The following DCUN1D2 variants were observed in gnomAD, a reference collection of about 807,000 sequenced individuals.
The protein encoded by DCUN1D2 is DCN1-like protein 2.
DCUN1D2 carries 29 observed loss-of-function variants against 30.9 expected under a neutral mutation model. The ratio of observed to expected loss-of-function variants is 0.94; its 90% CI spans 0.70 to 1.28. The LOEUF is 1.28. Ranked by LOEUF, DCUN1D2 falls within the 50% of genes most tolerant of loss-of-function variation. DCUN1D2 has a pLI of 0.00. For synonymous variants in DCUN1D2, 121 were observed against 115.3 expected, an observed-to-expected ratio of 1.05 and a Z score of -0.32; for missense variants, 325 against 316.9, an observed-to-expected ratio of 1.03 and a Z score of -0.19.
At chr13:113,466,437 G>C (rs981220788) in intron 4 of DCUN1D2, among the ~76,000 whole-genome samples, 1 of 152,208 alleles carries the variant, frequency 6.6e-6, no homozygotes, top group Non-Finnish European at 1.5e-5. Flanking sequence ...TTTACAAACA[G>C]AGTCATTCTG....
At chr13:113,481,142 T>TA (rs1181444465) in intron 2 of DCUN1D2, among the ~76,000 whole-genome samples, 1 of 152,238 alleles carries the variant, frequency 6.6e-6, no homozygotes, top group African/African-American at 2.4e-5. Flanking sequence ...CTTGAGTTTT[T>TA]ATCACAACTC....
At chr13:113,484,259 T>G in intron 1 of DCUN1D2, 2 of 1,141,422 alleles carry the variant, frequency 1.8e-6, no homozygotes, top group Non-Finnish European at 2.4e-6. Context: ...TCAAAAATTA[T>G]GAGAATTAAC....
chr13:113,486,308 G>A (rs75928629), intron 1 of DCUN1D2, among the ~76,000 whole-genome samples: 233 of 152,240 alleles, frequency 1.5e-3, no homozygotes, highest in African/African-American at 5.5e-3. Context: ...CTGAGCAGGC[G>A]TGGACACAAA....
At chr13:113,468,404 T>C (rs2044443738) in intron 4 of DCUN1D2, among the ~76,000 whole-genome samples, 1 of 152,038 alleles carries the variant, frequency 6.6e-6, no homozygotes, top group Non-Finnish European at 1.5e-5. Context: ...CAGTGTTTGA[T>C]GGGGACAGCG....
chr13:113,471,408 A>C (rs1243754128), intron 4 of DCUN1D2, among the ~76,000 whole-genome samples: 1 of 152,276 alleles, frequency 6.6e-6, no homozygotes, highest in Non-Finnish European at 1.5e-5. Context: ...ACCTAACTCC[A>C]ATTATATGGG....
At position 113,484,302 on chromosome 13, in the gene DCUN1D2, A is replaced by G. The variant is rs111243168; in HGVS notation, c.4-246T>C. On this transcript the variant is annotated intron_variant, in intron 1 of 6. Transcript: ENST00000478244. ...ACAAAATACATTCTGATCTCTATCC[A>G]GTTCACTCTGCATGAAGTGTGACTA... The G allele has an allele frequency of 1.6e-3, 1,196 of 737,830 alleles. 9 individuals carry two copies. In the African/African-American group the frequency reaches 0.019, roughly 12 times the overall value. The allele number at this position is 737,830 out of a possible 1,614,324, so 45.7% of individuals were successfully genotyped here.
chr13:113,473,988 G>A, intron 4 of DCUN1D2, 136 bp downstream of exon 4: 1 of 1,067,072 alleles, frequency 9.4e-7, no homozygotes, highest in East Asian at 2.8e-5. Context: ...CTAGGTGACA[G>A]AGCAAGACCG....
intron 3 of DCUN1D2, among the ~76,000 whole-genome samples, chr13:113,479,552 G>C (rs2139728274): frequency 6.6e-6 from 1 of 152,234 alleles, no homozygotes; most frequent in South Asian, 2.1e-4. Context: ...CCTGAAGTCA[G>C]GAGTTCAAAA....
At chr13:113,480,905 AT>A (rs2139732199) in intron 2 of DCUN1D2, among the ~76,000 whole-genome samples, 162 bp from the exon 3 acceptor site, 1 of 152,346 alleles carries the variant, frequency 6.6e-6, no homozygotes, top group South Asian at 2.1e-4. Context: ...CATGAAAGAA[AT>A]AGTGAGCAAC....
At chr13:113,479,771 A>G (rs895919558) in intron 3 of DCUN1D2, among the ~76,000 whole-genome samples, 1 of 152,226 alleles carries the variant, frequency 6.6e-6, no homozygotes, top group African/African-American at 2.4e-5. Context: ...CGAAAATAAT[A>G]AAAAGTTGAG....
chr13:113,464,390 T>C (rs925816757), intron 4 of DCUN1D2, among the ~76,000 whole-genome samples: 18 of 152,336 alleles, frequency 1.2e-4, no homozygotes, highest in African/African-American at 4.3e-4. Context: ...AGGCTGAACA[T>C]GGTAGGTCCT....
chr13:113,460,300 A>T (rs962344247), intron 5 of DCUN1D2, among the ~76,000 whole-genome samples: 3 of 152,214 alleles, frequency 2.0e-5, no homozygotes, highest in African/African-American at 7.2e-5. Flanking sequence ...TAAGTGGCAA[A>T]GTCTGTGTCA....
chr13:113,480,819 G>T, intron 2 of DCUN1D2, 76 bp from the exon 3 acceptor site: 1 of 1,495,618 alleles, frequency 6.7e-7, no homozygotes, highest in Non-Finnish European at 9.3e-7. Context: ...TTGAATCCTA[G>T]CATTCGATTA....
At chr13:113,463,520 T>C (rs912917914) in intron 4 of DCUN1D2, among the ~76,000 whole-genome samples, 2 of 149,436 alleles carry the variant, frequency 1.3e-5, no homozygotes, top group Admixed American at 1.3e-4. Flanking sequence ...AGCAAGACCC[T>C]CACCTCTTTA....
intron 4 of DCUN1D2, chr13:113,468,952 C>G (rs2044456158): frequency 6.6e-6 from 1 of 152,314 alleles, no homozygotes; most frequent in South Asian, 2.1e-4. Flanking sequence ...ACGCCGGGAC[C>G]AGGTAAGGAC....
intron 2 of DCUN1D2, among the ~76,000 whole-genome samples, chr13:113,481,865 CAAAAAA>C: frequency 8.9e-6 from 1 of 112,008 alleles, no homozygotes; most frequent in East Asian, 2.5e-4. Context: ...GCCTGGGTGA[CAAAAAA>C]AAAAAAAAAG....
chr13:113,471,639 T>G (rs934827013), intron 4 of DCUN1D2, among the ~76,000 whole-genome samples: 1 of 152,264 alleles, frequency 6.6e-6, no homozygotes, highest in African/African-American at 2.4e-5. Context: ...AAAAATGGCC[T>G]TTGTTTGGGT....
At chr13:113,474,749 C>A (rs1299892973) in intron 3 of DCUN1D2, among the ~76,000 whole-genome samples, 1 of 152,118 alleles carries the variant, frequency 6.6e-6, no homozygotes, top group East Asian at 1.9e-4. Flanking sequence ...ATGGAAAGAC[C>A]GCATTTCTCA....
intron 4 of DCUN1D2, among the ~76,000 whole-genome samples, chr13:113,471,179 ACAACTCCACAGGGGACC>A (rs2044506530): frequency 1.7e-5 from 1 of 58,272 alleles, no homozygotes; most frequent in Non-Finnish European, 3.7e-5. Context: ...CACAGAAGAC[ACAACTCCACAGGGGACC>A]CAACTCCACA....
Sources: gnomAD v4.1 joint callset for allele counts (sites outside exome capture counted in the v4.1 genomes callset) on GRCh38, gnomAD v4.1.1 for gene constraint, MANE v1.5 for transcripts, NCBI Gene and HGNC (gene_info 2026-07-23, HGNC 2026-07-21) for gene names.